ZNF267: variants seen among roughly 807,000 people sequenced by gnomAD.
ZNF267 encodes zinc finger protein 267.
Under a neutral mutation model 71.6 loss-of-function variants are expected in ZNF267, and 61 were observed. The observed-to-expected ratio is 0.85, with a 90% confidence interval of 0.69 to 1.05. ZNF267 has a LOEUF of 1.05. Ranked by LOEUF, ZNF267 falls within the 50% of genes least tolerant of loss-of-function variation. The pLI, the probability that ZNF267 is intolerant of heterozygous loss-of-function variation, is 0.00. For missense variants in ZNF267, 852 were observed against 870.0 expected (o/e 0.98, Z 0.26); for synonymous variants, 288 against 293.2 (o/e 0.98, Z 0.18).
At position 31,916,695 on chromosome 16, in the gene ZNF267, C is replaced by T; in HGVS notation, c.*214C>T. On this transcript the variant is annotated 3_prime_UTR_variant, in exon 4 of 4. Transcript: ENST00000300870. ...TATTTTAAACTGTGCTCAACCCTTA[C>T]TCAAGATAATCCATACTAGAGAAAC... is the stretch of plus-strand genomic sequence containing the variant. 1.8e-6 allele frequency: 1 copy of T among 567,730 alleles called. No individual in the cohort carries two copies. The highest frequency in any genetic ancestry group is 2.4e-5 in the South Asian group (1 of 42,494). The allele number at this position is 567,730 out of a possible 1,614,324, so 35.2% of individuals were successfully genotyped here.
chr16:31,874,870 C>T (rs913485566), intron 1 of ZNF267, among the ~76,000 whole-genome samples: 2 of 152,190 alleles, frequency 1.3e-5, no homozygotes, highest in African/African-American at 4.8e-5. Context: ...AGGCCAACTT[C>T]CCCTCTCCAG....
At chr16:31,911,332 A>G (rs955376371) in intron 3 of ZNF267, among the ~76,000 whole-genome samples, 2 of 151,596 alleles carry the variant, frequency 1.3e-5, no homozygotes, top group East Asian at 1.9e-4. Context: ...CTAATACTCT[A>G]TGTCTCAGTG....
chr16:31,876,100 G>A (rs1406108768), intron 1 of ZNF267, among the ~76,000 whole-genome samples: 1 of 152,146 alleles, frequency 6.6e-6, no homozygotes, highest in African/African-American at 2.4e-5. Flanking sequence ...ACAACGTGTG[G>A]TAAATTGGTG....
intron 3 of ZNF267, among the ~76,000 whole-genome samples, chr16:31,903,457 A>G (rs1013950711): frequency 2.0e-5 from 3 of 152,106 alleles, no homozygotes; most frequent in South Asian, 2.1e-4. Flanking sequence ...TATTGCCTCA[A>G]TTTCAGAGCC....
chr16:31,883,687 T>G (rs1015040906), intron 1 of ZNF267, among the ~76,000 whole-genome samples: 3 of 152,246 alleles, frequency 2.0e-5, no homozygotes, highest in African/African-American at 7.2e-5. Flanking sequence ...GTAAACAACT[T>G]TTAGGATGAT....
At chr16:31,875,994 A>C (rs2083849709) in intron 1 of ZNF267, among the ~76,000 whole-genome samples, 1 of 152,152 alleles carries the variant, frequency 6.6e-6, no homozygotes, top group African/African-American at 2.4e-5. Flanking sequence ...TTAAAACAGA[A>C]TCTCAGGGCT....
chr16:31,891,706 A>G (rs902884142), intron 3 of ZNF267, among the ~76,000 whole-genome samples: 4 of 152,140 alleles, frequency 2.6e-5, no homozygotes, highest in Non-Finnish European at 5.9e-5. Flanking sequence ...TTCACCTTCC[A>G]CCATGATTGT....
intron 3 of ZNF267, among the ~76,000 whole-genome samples, chr16:31,889,213 T>G (rs78365999): frequency 0.01 from 1,571 of 151,982 alleles, 31 homozygotes; most frequent in African/African-American, 0.035. Context: ...TCATTTTGTT[T>G]TTTTTTAATG....
At chr16:31,887,620 A>G (rs2083932970) in intron 3 of ZNF267, among the ~76,000 whole-genome samples, 2 of 152,110 alleles carry the variant, frequency 1.3e-5, no homozygotes, top group African/African-American at 2.4e-5. Flanking sequence ...TTCTTTCAGC[A>G]TTATTTGTTG....
At chr16:31,914,356 C>A in intron 3 of ZNF267, 120 bp from the exon 4 acceptor site, 1 of 903,592 alleles carries the variant, frequency 1.1e-6, no homozygotes, top group East Asian at 2.8e-5. Context: ...AACACGGCCT[C>A]AGGTTTTTCA....
intron 3 of ZNF267, among the ~76,000 whole-genome samples, chr16:31,886,371 A>AT (rs2083924528): frequency 6.6e-6 from 1 of 152,220 alleles, no homozygotes; most frequent in Non-Finnish European, 1.5e-5. Context: ...AGGTGTGACC[A>AT]TTGGGCCAGC....
At chr16:31,909,258 A>G (rs1051386604) in intron 3 of ZNF267, among the ~76,000 whole-genome samples, 1 of 149,686 alleles carries the variant, frequency 6.7e-6, no homozygotes, top group Admixed American at 6.6e-5. Flanking sequence ...CAGCCTCCCA[A>G]GTAGCTGGGA....
At chr16:31,882,005 G>A (rs764467805) in intron 1 of ZNF267, among the ~76,000 whole-genome samples, 35 of 152,202 alleles carry the variant, frequency 2.3e-4, no homozygotes, top group Middle Eastern at 3.4e-3. Flanking sequence ...CTTCCTTTCT[G>A]TATCCCTCCC....
chr16:31,897,135 A>AAAAAAAC (rs2084005175), intron 3 of ZNF267, among the ~76,000 whole-genome samples: 1 of 150,712 alleles, frequency 6.6e-6, no homozygotes, highest in African/African-American at 2.5e-5. Flanking sequence ...ACCAAACACC[A>AAAAAAAC]AAAAAACAAA....
intron 1 of ZNF267, among the ~76,000 whole-genome samples, chr16:31,883,147 T>C (rs1282968223): frequency 2.0e-5 from 3 of 152,152 alleles, no homozygotes; most frequent in Non-Finnish European, 4.4e-5. Flanking sequence ...AATTAACATA[T>C]AACAAATATG....
intron 3 of ZNF267, among the ~76,000 whole-genome samples, chr16:31,889,468 A>G (rs527355788): frequency 2.6e-5 from 4 of 152,052 alleles, no homozygotes; most frequent in South Asian, 2.1e-4. Flanking sequence ...TGTGTTTCCA[A>G]TTTCATTTGT....
Position 31,914,642 on chromosome 16 carries a change from A to G in ZNF267, c.393A>G (p.Glu131=). The change falls in exon 4 of 4, where the codon GAA becomes GAG. Residue 131 remains glutamate (E), a synonymous_variant. Transcript: ENST00000300870. ...ECEGHNGCYD[E]KTFKYDQFDE... ...AAGGGCACAATGGATGTTATGATGA[A>G]AAGACTTTTAAATATGATCAATTTG... The G allele has an allele frequency of 1.9e-6, 3 of 1,614,042 alleles. No homozygotes were observed. The highest frequency in any genetic ancestry group is 2.2e-5 in the South Asian group (2 of 91,054).
intron 3 of ZNF267, chr16:31,890,253 A>T (rs1234325260): frequency 6.6e-6 from 1 of 152,174 alleles, no homozygotes; most frequent in Non-Finnish European, 1.5e-5. Context: ...CACCACAGGT[A>T]TGTTAATGTT....
intron 1 of ZNF267, among the ~76,000 whole-genome samples, chr16:31,881,135 T>C (rs2083887160): frequency 6.6e-6 from 1 of 152,244 alleles, no homozygotes; most frequent in South Asian, 2.1e-4. Context: ...ATAATTTTCG[T>C]AGAAAGCCCT....
Sources: allele counts gnomAD v4.1 joint callset (sites outside exome capture counted in the v4.1 genomes callset), GRCh38; gene constraint gnomAD v4.1.1; transcripts MANE v1.5; gene names NCBI Gene and HGNC (gene_info 2026-07-23, HGNC 2026-07-21).